Variants in SLC39A11 observed in about 807,000 individuals in gnomAD.
The protein encoded by SLC39A11 is solute carrier family 39 member 11.
A neutral mutation model predicts 36.1 loss-of-function variants in SLC39A11; 33 were observed. That is an observed-to-expected ratio of 0.91 (90% CI 0.69 to 1.22). SLC39A11 has a LOEUF of 1.22. Among genes scored for constraint, SLC39A11 ranks in the 50% most tolerant of loss-of-function variants. The probability of loss-of-function intolerance (pLI) is 0.00; values close to 1 mark genes in which losing one functional copy is unlikely to be tolerated. For synonymous variants in SLC39A11, 166 were observed against 170.3 expected (o/e 0.97, Z 0.20); for missense variants, 432 against 430.3 (o/e 1.00, Z -0.03).
intron 6 of SLC39A11, among the ~76,000 whole-genome samples, chr17:72,795,823 T>C (rs2076877654): frequency 6.6e-6 from 1 of 152,048 alleles, no homozygotes; most frequent in South Asian, 2.1e-4. Context: ...TCTTTCTAAA[T>C]CCAAGGCTTC....
chr17:72,785,741 T>C (rs2076491714), intron 6 of SLC39A11, among the ~76,000 whole-genome samples: 1 of 152,170 alleles, frequency 6.6e-6, no homozygotes, highest in African/African-American at 2.4e-5. Context: ...GATACATCGT[T>C]TTCTTTATTC....
intron 5 of SLC39A11, among the ~76,000 whole-genome samples, chr17:72,905,201 T>C (rs1461831811): frequency 2.1e-5 from 2 of 97,146 alleles, no homozygotes; most frequent in East Asian, 4.3e-4. Flanking sequence ...AAAAAAAAGA[T>C]AGCACAGGCC....
At chr17:72,817,578 A>C (rs372923996) in intron 6 of SLC39A11, among the ~76,000 whole-genome samples, 21 of 152,332 alleles carry the variant, frequency 1.4e-4, no homozygotes, top group African/African-American at 3.1e-4. Flanking sequence ...AGGTACACCC[A>C]TGGGAAGCGC....
rs142407465 is a variant in SLC39A11 at position 72,941,651 on chromosome 17, T to C, written c.430+6101A>G. Among the ~76,000 whole-genome samples, 160 of 152,008 alleles carry C rather than the reference T, an allele frequency of 1.1e-3. 3 individuals are homozygous for C. In the East Asian group the frequency reaches 0.023, roughly 22 times the overall value. Reference sequence around the variant, plus strand: ...AACACTCTTCAGAAGCAAAAGACTCTATAAAGCGTACCCACCCTGATAATG... The same window carrying C: ...AACACTCTTCAGAAGCAAAAGACTCCATAAAGCGTACCCACCCTGATAATG... On this transcript the variant is annotated intron_variant, in intron 5 of 9. Transcript: ENST00000255559.
chr17:72,821,563 T>G (rs1175085825), intron 6 of SLC39A11: 1 of 147,684 alleles, frequency 6.8e-6, no homozygotes, highest in Non-Finnish European at 1.5e-5. Flanking sequence ...ACAGATTTTT[T>G]GTGGAAAAAA....
chr17:73,045,327 G>A (rs936576605), intron 3 of SLC39A11, among the ~76,000 whole-genome samples: 4 of 143,492 alleles, frequency 2.8e-5, no homozygotes, highest in African/African-American at 1.0e-4. Flanking sequence ...AGACATACCT[G>A]GGTTTCAAAT....
chr17:72,958,800 A>C (rs966778713), intron 4 of SLC39A11, among the ~76,000 whole-genome samples: 2 of 151,868 alleles, frequency 1.3e-5, no homozygotes, highest in African/African-American at 2.4e-5. Flanking sequence ...GCAGTGAGCC[A>C]AGAATGTGCC....
intron 3 of SLC39A11, among the ~76,000 whole-genome samples, chr17:73,078,974 A>C (rs185348022): frequency 6.6e-6 from 1 of 151,588 alleles, no homozygotes; most frequent in Admixed American, 6.6e-5. Context: ...CCATAAGCAA[A>C]CTCTTTTTCA....
At chr17:72,893,054 T>C (rs2081839724) in intron 5 of SLC39A11, among the ~76,000 whole-genome samples, 1 of 152,172 alleles carries the variant, frequency 6.6e-6, no homozygotes, top group African/African-American at 2.4e-5. Context: ...TTTTGTTCCC[T>C]TGTCAAAAGG....
intron 3 of SLC39A11, among the ~76,000 whole-genome samples, chr17:73,070,369 T>A (rs1351513285): frequency 6.6e-6 from 1 of 152,134 alleles, no homozygotes; most frequent in African/African-American, 2.4e-5. Flanking sequence ...ACACCAGAGG[T>A]GACAGCCTCC....
chr17:72,726,866 C>A (rs2073952813), intron 7 of SLC39A11, among the ~76,000 whole-genome samples: 1 of 152,200 alleles, frequency 6.6e-6, no homozygotes, highest in African/African-American at 2.4e-5. Context: ...ATGGGCTATA[C>A]TACATCCAAA....
At chr17:72,702,299 C>A (rs1354618648) in intron 7 of SLC39A11, among the ~76,000 whole-genome samples, 1 of 152,108 alleles carries the variant, frequency 6.6e-6, no homozygotes, top group Non-Finnish European at 1.5e-5. Context: ...ACATAGTAGG[C>A]CTTCAAGTGC....
At chr17:72,952,575 T>A (rs1440949886) in intron 4 of SLC39A11, among the ~76,000 whole-genome samples, 2 of 152,208 alleles carry the variant, frequency 1.3e-5, no homozygotes, top group Non-Finnish European at 2.9e-5. Flanking sequence ...AAATACAGCC[T>A]TGGCCCGTGC....
intron 7 of SLC39A11, among the ~76,000 whole-genome samples, chr17:72,674,244 T>C (rs2071153548): frequency 6.6e-6 from 1 of 152,208 alleles, no homozygotes; most frequent in Non-Finnish European, 1.5e-5. Flanking sequence ...TAAGTGGATA[T>C]ATGTGTATTT....
At chr17:72,651,251 G>A (rs1000695558) in intron 7 of SLC39A11, among the ~76,000 whole-genome samples, 12 of 152,068 alleles carry the variant, frequency 7.9e-5, no homozygotes, top group Admixed American at 1.3e-4. Context: ...ATCTGCCCCT[G>A]TGTGCAACAG....
At chr17:72,771,084 C>A (rs1340339739) in intron 6 of SLC39A11, among the ~76,000 whole-genome samples, 1 of 148,906 alleles carries the variant, frequency 6.7e-6, no homozygotes, top group African/African-American at 2.5e-5. Flanking sequence ...GTGCGTGTTG[C>A]TTATTTAAAA....
chr17:72,858,692 A>C (rs1363803967), intron 5 of SLC39A11, among the ~76,000 whole-genome samples: 1 of 151,852 alleles, frequency 6.6e-6, no homozygotes, highest in East Asian at 1.9e-4. Flanking sequence ...GAGATCCTTC[A>C]CCTCCCTGGT....
chr17:72,859,601 T>A (rs191460995), intron 5 of SLC39A11, among the ~76,000 whole-genome samples: 6 of 151,212 alleles, frequency 4.0e-5, no homozygotes, highest in African/African-American at 1.2e-4. Context: ...GCAAGCTGAC[T>A]GCACTCTACC....
chr17:72,691,421 T>C (rs2072022572), intron 7 of SLC39A11, among the ~76,000 whole-genome samples: 1 of 152,152 alleles, frequency 6.6e-6, no homozygotes, highest in South Asian at 2.1e-4. Context: ...GCCAGTGTAA[T>C]CACCTGATAA....
Sources: allele counts gnomAD v4.1 joint callset (sites outside exome capture counted in the v4.1 genomes callset), GRCh38; gene constraint gnomAD v4.1.1; transcripts MANE v1.5; gene names NCBI Gene and HGNC (gene_info 2026-07-23, HGNC 2026-07-21).